The following PIEZO2 variants were observed in gnomAD, a reference collection of about 807,000 sequenced individuals.
PIEZO2 encodes piezo type mechanosensitive ion channel component 2.
Under a neutral mutation model 337.3 loss-of-function variants are expected in PIEZO2, and 172 were observed. That is an observed-to-expected ratio of 0.51 (90% confidence interval 0.45 to 0.58). The LOEUF (loss-of-function observed/expected upper bound fraction) is 0.58, where lower values mean the gene tolerates loss of function less well. Ranked by LOEUF, PIEZO2 falls within the 20% of genes least tolerant of loss-of-function variation. The pLI is 0.00. For missense variants in PIEZO2, 3,028 were observed against 3,391.3 expected (o/e 0.89, Z 2.66); for synonymous variants, 1,251 against 1,228.5 (o/e 1.02, Z -0.38).
rs900957773 is a variant in PIEZO2, at chr18:10,673,078, A to G, written c.8162-205T>C. Among the ~76,000 whole-genome samples, 2 of 152,164 alleles carry G rather than the reference A, an allele frequency of 1.3e-5. No homozygotes were observed. The highest frequency in any genetic ancestry group is 2.9e-5 in the Non-Finnish European group (2 of 68,032). On this transcript the variant is annotated intron_variant, in intron 54 of 55. Coordinates refer to ENST00000674853, the MANE Select transcript of PIEZO2 (RefSeq NM_001378183.1). The surrounding 1 kb of genome is among the most constrained non-coding windows in gnomAD (Gnocchi z 4.8). The stretch of plus-strand genomic sequence containing the variant: ...AGTGATTTTTCCTTTTCAGTGAGAG[A>G]GGTCAGCCGCTGTTGCTACATGGGC...
At chr18:11,066,676 T>A (rs759621169) in intron 1 of PIEZO2, among the ~76,000 whole-genome samples, 2 of 152,222 alleles carry the variant, frequency 1.3e-5, no homozygotes, top group Non-Finnish European at 2.9e-5. Flanking sequence ...CTCGGCTCAC[T>A]GCAACCTCTG....
At chr18:10,881,548 C>A (rs1236964734) in intron 4 of PIEZO2, among the ~76,000 whole-genome samples, 2 of 152,158 alleles carry the variant, frequency 1.3e-5, no homozygotes, top group African/African-American at 4.8e-5. Flanking sequence ...CTGGGACTGA[C>A]TCTTCCCAAT....
At position 10,750,084 on chromosome 18, in the gene PIEZO2, T is replaced by C. The variant is rs969306468; in HGVS notation, c.4264+7A>G. 1 of 1,532,596 alleles carries C rather than the reference T, an allele frequency of 6.5e-7. No homozygotes were observed. The highest frequency in any genetic ancestry group is 8.8e-7 in the Non-Finnish European group (1 of 1,142,798). 94.9% of individuals were successfully genotyped at this position (1,532,596 alleles called of 1,614,324 possible). A position where few individuals can be genotyped will look rare whatever the true frequency, so the allele number is the denominator to read the frequency against. On this transcript the variant is annotated splice_region_variant and intron_variant, in intron 29 of 55. Coordinates refer to ENST00000674853, the MANE Select transcript of PIEZO2 (RefSeq NM_001378183.1). The surrounding 1 kb of genome is among the most constrained non-coding windows in gnomAD (Gnocchi z 4.1). Reference sequence around the variant, plus strand: ...TTTCTGCCTTCACACTTGCTTTTCATACTTACGCATTTGATAGCCTTTGAC... The same window carrying C: ...TTTCTGCCTTCACACTTGCTTTTCACACTTACGCATTTGATAGCCTTTGAC...
Position 10,983,324 on chromosome 18 carries a change from A to T in PIEZO2, c.161-3664T>A, listed in dbSNP as rs546672302. On this transcript the variant is annotated intron_variant, in intron 2 of 55. Transcript: ENST00000674853. ...TTCCAGCCCTACTGTGGAACAAAAA[A>T]CCCAAGAGTAAAAATATTAAAGAGG... 8.5e-4 allele frequency among the ~76,000 whole-genome samples: 130 copies of T among 152,144 alleles called. 3 individuals are homozygous for T. The South Asian group carries it at 0.025, about 29-fold the overall frequency.
Position 11,066,151 on chromosome 18 carries a change from CTGAGAACAGAG to C in PIEZO2, c.125_135del (p.Pro42ArgfsTer40). 1 of 1,469,944 alleles carries C rather than the reference CTGAGAACAGAG, an allele frequency of 6.8e-7. No homozygotes were observed. The highest frequency in any genetic ancestry group is 1.2e-5 in the South Asian group (1 of 82,970). The allele number at this position is 1,469,944 out of a possible 1,614,324, so 91.1% of individuals were successfully genotyped here. A position where few individuals can be genotyped will look rare whatever the true frequency, so the allele number is the denominator to read the frequency against. ...CCTTGCATCGTCGTTTTTGTTGGTT[CTGAGAACAGAG>C]GAATGAGCAAGAGGTAGATAAGGTA... On this transcript the variant is annotated frameshift_variant, in exon 2 of 56. Coordinates refer to ENST00000674853, the MANE Select transcript of PIEZO2 (RefSeq NM_001378183.1). LOFTEE classifies it high-confidence loss of function.
chr18:11,076,471 T>C (rs1307992996), intron 1 of PIEZO2, among the ~76,000 whole-genome samples: 1 of 152,162 alleles, frequency 6.6e-6, no homozygotes, highest in Non-Finnish European at 1.5e-5. Context: ...GGCTTTGGTC[T>C]GAATTTTCTG....
In PIEZO2 at chr18:11,002,689, C is replaced by T. The variant is rs893355408; in HGVS notation, c.161-23029G>A. 6.6e-6 allele frequency among the ~76,000 whole-genome samples: 1 copy of T among 152,146 alleles called. No homozygotes were observed. The highest frequency in any genetic ancestry group is 1.5e-5 in the Non-Finnish European group (1 of 68,022). On this transcript the variant is annotated intron_variant, in intron 2 of 55. Coordinates refer to ENST00000674853, the MANE Select transcript of PIEZO2 (RefSeq NM_001378183.1). The surrounding 1 kb of genome is among the most constrained non-coding windows in gnomAD (Gnocchi z 4.3). ...CTTTGTTGCAATGTTTTACTGGCGG[C>T]GGCGGGGAACACATTCAGGCAGAGA...
chr18:10,995,104 G>A (rs1057340282), intron 2 of PIEZO2, among the ~76,000 whole-genome samples: 3 of 100,454 alleles, frequency 3.0e-5, no homozygotes, highest in African/African-American at 4.4e-5. Flanking sequence ...AAAGAAAAGC[G>A]TTCCCTGCTC....
chr18:11,049,399 A>T (rs1265226792), intron 2 of PIEZO2, among the ~76,000 whole-genome samples: 1 of 152,220 alleles, frequency 6.6e-6, no homozygotes, highest in Non-Finnish European at 1.5e-5. Context: ...GCCTAGTACA[A>T]GGCCTGGTAG....
intron 13 of PIEZO2, among the ~76,000 whole-genome samples, chr18:10,793,243 A>G (rs967437467): frequency 1.3e-5 from 2 of 151,156 alleles, no homozygotes; most frequent in Admixed American, 6.6e-5. Flanking sequence ...TGGGATACAG[A>G]GCAAAACTCC....
At chr18:10,844,904 T>C (rs1042998809) in intron 7 of PIEZO2, among the ~76,000 whole-genome samples, 7 of 152,074 alleles carry the variant, frequency 4.6e-5, no homozygotes, top group Non-Finnish European at 1.0e-4. Context: ...TGACGGCACT[T>C]TCTAGTCAGG....
chr18:11,045,101 C>A (rs1211144743), intron 2 of PIEZO2, among the ~76,000 whole-genome samples: 1 of 151,848 alleles, frequency 6.6e-6, no homozygotes, highest in Admixed American at 6.6e-5. Context: ...TGAGACCATC[C>A]TGGCTACCAC....
intron 36 of PIEZO2, chr18:10,725,170 CAGT>C: frequency 6.7e-7 from 1 of 1,500,984 alleles, no homozygotes; most frequent in Non-Finnish European, 9.3e-7. Context: ...GGCCTCTGGA[CAGT>C]TCATCCATCA....
chr18:10,698,360 A>T (rs1344214593), intron 44 of PIEZO2, among the ~76,000 whole-genome samples: 2 of 151,730 alleles, frequency 1.3e-5, no homozygotes, highest in African/African-American at 4.8e-5. Context: ...CCATAATTAT[A>T]AAAGCTTCAG....
In PIEZO2 at chr18:10,724,403, T is replaced by G. The variant is rs1567987809; in HGVS notation, c.5030-6144A>C. Among the ~76,000 whole-genome samples the G allele has an allele frequency of 1.3e-5, 2 of 152,286 alleles. No individual in the cohort carries two copies. The highest frequency in any genetic ancestry group is 4.1e-4 in the South Asian group (2 of 4,832). Reference sequence around the variant, plus strand: ...AAAAGTGCTTTCTCCTGGCCCAGCATACTTGGGTGAAGTCTGCTGGAGGCA... The same window carrying G: ...AAAAGTGCTTTCTCCTGGCCCAGCAGACTTGGGTGAAGTCTGCTGGAGGCA... On this transcript the variant is annotated intron_variant, in intron 36 of 55. Transcript: ENST00000674853. This position sits in a 1 kb window ranked among gnomAD's most constrained non-coding sequence, Gnocchi z 5.8.
rs997488703 is a variant in PIEZO2 at position 10,879,000 on chromosome 18, AG to A, written c.330-7586del. Among the ~76,000 whole-genome samples the A allele has an allele frequency of 3.3e-5, 5 of 152,206 alleles. No individual in the cohort carries two copies. The highest frequency in any genetic ancestry group is 1.2e-4 in the African/African-American group (5 of 41,448). On this transcript the variant is annotated intron_variant, in intron 4 of 55. Coordinates refer to ENST00000674853, the MANE Select transcript of PIEZO2 (RefSeq NM_001378183.1). This position sits in a 1 kb window ranked among gnomAD's most constrained non-coding sequence, Gnocchi z 4.3. The stretch of plus-strand genomic sequence containing the variant: ...ACATGGAGTTTGTGCCTGGGAGCAA[AG>A]TCATGGCTGATGAGGTAGGTTCAAG...
intron 2 of PIEZO2, among the ~76,000 whole-genome samples, chr18:11,055,210 CAAAAAAAAAAA>C (rs11390110): frequency 2.6e-4 from 21 of 79,830 alleles, no homozygotes; most frequent in African/African-American, 4.1e-4. Context: ...GACTCTGTCT[CAAAAAAAAAAA>C]AAAAAAAAAA....
chr18:10,960,861 C>T (rs2081676016), intron 3 of PIEZO2, among the ~76,000 whole-genome samples: 2 of 152,126 alleles, frequency 1.3e-5, no homozygotes, highest in Non-Finnish European at 2.9e-5. Context: ...TGAAATGTTC[C>T]ATTTGGTAGA....
At chr18:10,951,200 TCCAAAACTTTACTAATA>T (rs754231270) in intron 3 of PIEZO2, among the ~76,000 whole-genome samples, 40 of 152,198 alleles carry the variant, frequency 2.6e-4, no homozygotes, top group Non-Finnish European at 4.7e-4. Context: ...TTTCCAGCTT[TCCAAAACTTTACTAATA>T]CCAAAGAACT....
Sources: gnomAD v4.1 joint callset for allele counts (sites outside exome capture counted in the v4.1 genomes callset) on GRCh38, gnomAD v4.1.1 for gene constraint, Gnocchi (gnomAD v3.1) non-coding constraint, MANE v1.5 for transcripts, NCBI Gene and HGNC (gene_info 2026-07-23, HGNC 2026-07-21) for gene names.